Variants in TTLL3 observed in about 807,000 individuals in gnomAD.
TTLL3 encodes tubulin monoglycylase TTLL3.
TTLL3 carries 63 observed loss-of-function variants against 75.2 expected under a neutral mutation model. That is an observed-to-expected ratio of 0.84 (90% CI 0.68 to 1.03). The LOEUF (loss-of-function observed/expected upper bound fraction) is 1.03, where lower values mean the gene tolerates loss of function less well. TTLL3 is among the 50% of genes least tolerant of loss of function. TTLL3 has a pLI of 0.00. For synonymous variants in TTLL3, 393 were observed against 418.5 expected (o/e 0.94, Z 0.74); for missense variants, 997 against 1,069.9 (o/e 0.93, Z 0.95).
intron 8 of TTLL3, 91 bp from the exon 9 acceptor site, chr3:9,825,709 C>T (rs549335326): frequency 2.7e-5 from 44 of 1,608,412 alleles, no homozygotes; most frequent in East Asian, 1.3e-4. Context: ...GCCTGGATGA[C>T]GGCGGGGGAT....
chr3:9,834,615 C>CT, intron 12 of TTLL3, 66 bp from the exon 13 acceptor site: 2 of 1,600,414 alleles, frequency 1.2e-6, no homozygotes, highest in Non-Finnish European at 1.7e-6. Context: ...CCACACGTAC[C>CT]TGTTAGGGCA....
rs1414987394 is a variant in TTLL3, at chr3:9,824,636, CTT to C, written c.855-1163_855-1162del. ...ATATTGGCCAGGATGGTCTCAATCT[CTT>C]AACCTTGTGATCCGCCCACCTTGCC... is the stretch of plus-strand genomic sequence containing the variant. On this transcript the variant is annotated intron_variant, in intron 8 of 13. Transcript: ENST00000685419. Among the ~76,000 whole-genome samples the C allele has an allele frequency of 2.0e-5, 3 of 151,984 alleles. No individual in the cohort carries two copies. The East Asian group carries it at 5.8e-4, about 29-fold the overall frequency.
At position 9,835,779 on chromosome 3, in the gene TTLL3, C is replaced by A; in HGVS notation, c.*290C>A. ...GAATGACACCTACCGGGCATAGGAA[C>A]GTTAATGCCATGAGACAGGGGAAGG... On this transcript the variant is annotated 3_prime_UTR_variant, in exon 14 of 14. Coordinates refer to ENST00000685419, the MANE Select transcript of TTLL3 (RefSeq NM_001387446.1). 1 of 380,806 alleles carries A rather than the reference C, an allele frequency of 2.6e-6. No homozygotes were observed. Among genetic ancestry groups the A allele is most frequent in the Non-Finnish European group, 4.7e-6 (1 of 213,040 alleles). The allele number at this position is 380,806 out of a possible 1,614,324, so 23.6% of individuals were successfully genotyped here.
intron 10 of TTLL3, chr3:9,827,621 A>C: frequency 1.3e-5 from 3 of 237,228 alleles, no homozygotes; most frequent in South Asian, 5.8e-5. Flanking sequence ...TTGGTCTCAA[A>C]CTCCTGGGCT....
rs2081987005 is a variant in TTLL3, at chr3:9,835,746, A to C, written c.*257A>C. On this transcript the variant is annotated 3_prime_UTR_variant, in exon 14 of 14. Coordinates refer to ENST00000685419, the MANE Select transcript of TTLL3 (RefSeq NM_001387446.1). The stretch of plus-strand genomic sequence containing the variant: ...CCCCCCAACCCCAGAGAACAAGCCA[A>C]GCTAGCAGAATGACACCTACCGGGC... 1 of 466,398 alleles carries C rather than the reference A, an allele frequency of 2.1e-6. No homozygotes were observed. Among genetic ancestry groups the C allele is most frequent in the South Asian group, 4.1e-5 (1 of 24,238 alleles). The allele number at this position is 466,398 out of a possible 1,614,324, so 28.9% of individuals were successfully genotyped here. A position where few individuals can be genotyped will look rare whatever the true frequency, so the allele number is the denominator to read the frequency against.
chr3:9,827,005 T>C lies in TTLL3; in HGVS notation c.1012T>C (p.Cys338Arg), dbSNP rs1205238928. The stretch of plus-strand genomic sequence containing the variant: ...GCCCTCTTCCCCCGTAGGCATCATG[T>C]GCATGGACCACCTGGAGGAGATGCT... The part of the protein sequence containing the change: ...GAKSRGRGIM[C>R]MDHLEEMLKL... Residue 338 changes from cysteine (C) to arginine (R), a missense_variant, in exon 10 of 14, where the codon TGC (cysteine) becomes CGC (arginine). Transcript: ENST00000685419. 5 of 1,614,030 alleles carry C rather than the reference T, an allele frequency of 3.1e-6. 1 individual carries two copies. The highest frequency in any genetic ancestry group is 4.2e-6 in the Non-Finnish European group (5 of 1,180,032).
In TTLL3 at chr3:9,834,820, G is replaced by A; in HGVS notation, c.1965G>A (p.Leu655=). ...TKALSTTGKA[L]RTLPTAKVFI... is the part of the protein sequence containing the mutation. ...CCCTGTCGACCACAGGCAAGGCCTT[G>A]AGGACTCTACCCACGGCTAAGGTCT... is the stretch of plus-strand genomic sequence containing the variant. Residue 655 remains leucine (L), a synonymous_variant, in exon 13 of 14, where the codon TTG becomes TTA. Transcript: ENST00000685419. 6.2e-7 allele frequency: 1 copy of A among 1,614,234 alleles called. No homozygotes were observed. Among genetic ancestry groups the A allele is most frequent in the Non-Finnish European group, 8.5e-7 (1 of 1,180,040 alleles).
chr3:9,828,985 A>G lies in TTLL3; in HGVS notation c.1273A>G (p.Ile425Val). 1.2e-6 allele frequency: 2 copies of G among 1,614,184 alleles called. No homozygotes were observed. The highest frequency in any genetic ancestry group is 1.7e-6 in the Non-Finnish European group (2 of 1,180,034). The change falls in exon 11 of 14, where the codon ATC becomes GTC. Residue 425 changes from isoleucine (I) to valine (V), a missense_variant. Transcript: ENST00000685419. ...CTCAGTGCACCTGTGCAACAACTCC[A>G]TCCAGAAGCACCTGGAGAACTCATG... is the stretch of plus-strand genomic sequence containing the variant. ...DNSVHLCNNS[I>V]QKHLENSCHR...
intron 12 of TTLL3, among the ~76,000 whole-genome samples, chr3:9,833,729 A>G (rs1404481220): frequency 1.3e-5 from 2 of 152,266 alleles, no homozygotes; most frequent in African/African-American, 2.4e-5. Flanking sequence ...CCTGTGGTCC[A>G]GGCTACTCGC....
At position 9,835,123 on chromosome 3, in the gene TTLL3, C is replaced by T. The variant is rs776676370; in HGVS notation, c.2082C>T (p.Pro694=). 1.2e-6 allele frequency: 2 copies of T among 1,612,796 alleles called. No homozygotes were observed. The highest frequency in any genetic ancestry group is 1.7e-5 in the Admixed American group (1 of 59,900). Residue 694 remains proline (P), a synonymous_variant, in exon 14 of 14, where the codon CCC becomes CCT. Transcript: ENST00000685419. ...KAPALLCLRG[P]QLEVPCCLCP... ...CTGCTCTCCTGTGCCTCCGAGGCCC[C>T]CAGCTGGAAGTGCCTTGTTGCCTCT...
rs1445976990 is a variant in TTLL3, at chr3:9,818,815, G to C, written c.560-7G>C. 6.2e-7 allele frequency: 1 copy of C among 1,613,962 alleles called. No homozygotes were observed. The highest frequency in any genetic ancestry group is 1.3e-5 in the African/African-American group (1 of 74,922). ...GCTGAGCAGGGTATCCCCTGGCCTGGGAGCAGAGGACTTCTGGCTGACTGC... is the reference window on the plus strand; with the variant it reads ...GCTGAGCAGGGTATCCCCTGGCCTGCGAGCAGAGGACTTCTGGCTGACTGC... On this transcript the variant is annotated splice_region_variant and splice_polypyrimidine_tract_variant and intron_variant, in intron 6 of 13. Coordinates refer to ENST00000685419, the MANE Select transcript of TTLL3 (RefSeq NM_001387446.1).
At chr3:9,813,189 C>G in intron 3 of TTLL3, 59 bp from the exon 4 acceptor site, 2 of 1,612,882 alleles carry the variant, frequency 1.2e-6, no homozygotes, top group Middle Eastern at 1.7e-4. Flanking sequence ...AGAGTTGAGG[C>G]CTTATGGGCT....
At chr3:9,825,354 A>AAT (rs2080926512) in intron 8 of TTLL3, 1 of 176,026 alleles carries the variant, frequency 5.7e-6, no homozygotes, top group African/African-American at 2.5e-5. Flanking sequence ...AAAAAAAAAA[A>AAT]GTCGGGGGGT....
At chr3:9,819,069 C>A in intron 7 of TTLL3, 149 bp downstream of exon 7, 1 of 1,017,242 alleles carries the variant, frequency 9.8e-7, no homozygotes, top group Non-Finnish European at 1.4e-6. Flanking sequence ...CCCATCTATC[C>A]ATCCATCCAC....
intron 8 of TTLL3, among the ~76,000 whole-genome samples, chr3:9,821,735 G>T (rs1240748689): frequency 6.6e-6 from 1 of 152,212 alleles, no homozygotes; most frequent in Non-Finnish European, 1.5e-5. Context: ...AAGCGTGGTG[G>T]CTCACGCCTG....
Position 9,817,777 on chromosome 3 carries a change from C to A in TTLL3, c.559+18C>A. The A allele has an allele frequency of 6.2e-7, 1 of 1,614,004 alleles. No homozygotes were observed. The highest frequency in any genetic ancestry group is 1.1e-5 in the South Asian group (1 of 91,064). On this transcript the variant is annotated intron_variant, in intron 6 of 13. Transcript: ENST00000685419. Reference sequence around the variant, plus strand: ...CTTCATAGGTAAGGAGACCCCCAGCCCTATGCCTGAACCTCAGGCTGACAG... The same window carrying A: ...CTTCATAGGTAAGGAGACCCCCAGCACTATGCCTGAACCTCAGGCTGACAG...
At chr3:9,833,326 C>T in intron 12 of TTLL3, 81 bp downstream of exon 12, 1 of 1,573,560 alleles carries the variant, frequency 6.4e-7, no homozygotes, top group Non-Finnish European at 8.6e-7. Flanking sequence ...CAGTGAGAAG[C>T]CAGTCTCCAC....
At chr3:9,827,420 CAG>C (rs756767145) in intron 10 of TTLL3, 180 bp downstream of exon 10, 187 of 1,174,096 alleles carry the variant, frequency 1.6e-4, no homozygotes, top group African/African-American at 2.3e-4. Context: ...TTTTAACAGA[CAG>C]GGGGCGGTCT....
Position 9,829,369 on chromosome 3 carries a change from G to A in TTLL3, c.1657G>A (p.Gly553Arg). The change falls in exon 11 of 14, where the codon GGA becomes AGA. Residue 553 changes from glycine to arginine, a missense_variant. Physicochemically the swap from Gly to Arg is moderately radical, Grantham distance 125. Coordinates refer to ENST00000685419, the MANE Select transcript of TTLL3 (RefSeq NM_001387446.1). ...DRMLDRNCDT[G>R]AFELIYKQPA... is the part of the protein sequence containing the mutation. The stretch of plus-strand genomic sequence containing the variant: ...GATGCTGGACCGCAACTGTGACACA[G>A]GAGCCTTTGAGCTCATCTATAAGCA... 6.2e-7 allele frequency: 1 copy of A among 1,604,800 alleles called. No homozygotes were observed. Among genetic ancestry groups the A allele is most frequent in the Non-Finnish European group, 8.5e-7 (1 of 1,174,106 alleles).
Sources: allele counts gnomAD v4.1 joint callset (sites outside exome capture counted in the v4.1 genomes callset), GRCh38; gene constraint gnomAD v4.1.1; transcripts MANE v1.5; gene names NCBI Gene and HGNC (gene_info 2026-07-23, HGNC 2026-07-21).